PDGFD: variants seen among roughly 807,000 people sequenced by gnomAD.
PDGFD encodes the protein platelet-derived growth factor D.
PDGFD carries 30 observed loss-of-function variants against 44.7 expected under a neutral mutation model. That is an observed-to-expected ratio of 0.67 (90% CI 0.50 to 0.91). The LOEUF (loss-of-function observed/expected upper bound fraction) is 0.91. Among genes scored for constraint, PDGFD ranks in the 40% least tolerant of loss-of-function variants. The pLI, the probability that PDGFD is intolerant of heterozygous loss-of-function variation, is 0.00. For synonymous variants in PDGFD, 173 were observed against 168.4 expected, an observed-to-expected ratio of 1.03 and a Z score of -0.21; for missense variants, 445 against 457.8, an observed-to-expected ratio of 0.97 and a Z score of 0.25.
intron 1 of PDGFD, among the ~76,000 whole-genome samples, chr11:104,022,473 CAT>C (rs1256070716): frequency 6.6e-6 from 1 of 152,036 alleles, no homozygotes; most frequent in African/African-American, 2.4e-5. Context: ...ATTACAGTAA[CAT>C]ATAAAACCTG....
chr11:103,990,092 T>C (rs1167090565), intron 3 of PDGFD, among the ~76,000 whole-genome samples: 1 of 152,204 alleles, frequency 6.6e-6, no homozygotes, highest in Non-Finnish European at 1.5e-5. Flanking sequence ...ACTTGAGAGA[T>C]ATCCTCAGTA....
intron 3 of PDGFD, among the ~76,000 whole-genome samples, chr11:103,948,949 A>AAAAGAAAGAAAG (rs10690865): frequency 2.5e-4 from 36 of 145,846 alleles, no homozygotes; most frequent in African/African-American, 8.8e-4. Context: ...TTAAAGTAAA[A>AAAAGAAAGAAAG]AAAGAAAGAA....
At chr11:103,913,278 G>C (rs1202372289) in intron 6 of PDGFD, among the ~76,000 whole-genome samples, 1 of 152,106 alleles carries the variant, frequency 6.6e-6, no homozygotes, top group Non-Finnish European at 1.5e-5. Flanking sequence ...AAATGCAAAA[G>C]AACAGAAATC....
chr11:103,929,628 G>A (rs1321179228), intron 5 of PDGFD, among the ~76,000 whole-genome samples: 1 of 152,186 alleles, frequency 6.6e-6, no homozygotes, highest in East Asian at 1.9e-4. Context: ...CTGTGACCCA[G>A]TGTGACTGCT....
At chr11:104,038,014 A>G (rs765081044) in intron 1 of PDGFD, 10 of 1,609,160 alleles carry the variant, frequency 6.2e-6, no homozygotes, top group Non-Finnish European at 8.5e-6. Flanking sequence ...AGAGCATTAA[A>G]GCACGTTATA....
chr11:104,101,321 G>A (rs1402629712), intron 1 of PDGFD, among the ~76,000 whole-genome samples: 1 of 152,038 alleles, frequency 6.6e-6, no homozygotes, highest in Non-Finnish European at 1.5e-5. Context: ...GACACACAGA[G>A]AGCCAAATCA....
intron 1 of PDGFD, chr11:104,038,167 C>A: frequency 1.3e-6 from 1 of 750,546 alleles, no homozygotes; most frequent in South Asian, 2.0e-5. Flanking sequence ...TAACGTCAAT[C>A]CTGATTCCTT....
At chr11:103,935,230 C>T (rs772786298) in intron 5 of PDGFD, among the ~76,000 whole-genome samples, 3 of 152,056 alleles carry the variant, frequency 2.0e-5, no homozygotes, top group African/African-American at 2.4e-5. Flanking sequence ...TCCACAAAGA[C>T]GGACAACTGC....
chr11:103,928,023 TTTC>T (rs1453795279), intron 5 of PDGFD, among the ~76,000 whole-genome samples: 17 of 152,222 alleles, frequency 1.1e-4, no homozygotes, highest in African/African-American at 3.9e-4. Context: ...CTCTTTATGT[TTTC>T]TTCTTTGGAC....
intron 1 of PDGFD, among the ~76,000 whole-genome samples, chr11:104,013,632 A>G (rs1859816234): frequency 6.6e-6 from 1 of 152,068 alleles, no homozygotes; most frequent in African/African-American, 2.4e-5. Flanking sequence ...ATGCCTGGAA[A>G]AGTAAAGAAG....
At chr11:103,995,537 C>T (rs752845940) in intron 3 of PDGFD, among the ~76,000 whole-genome samples, 4 of 152,090 alleles carry the variant, frequency 2.6e-5, no homozygotes, top group Non-Finnish European at 5.9e-5. Flanking sequence ...ACTCTTGGGT[C>T]CTCTATTGGA....
At chr11:104,018,519 T>C (rs1280550231) in intron 1 of PDGFD, among the ~76,000 whole-genome samples, 3 of 152,204 alleles carry the variant, frequency 2.0e-5, no homozygotes, top group African/African-American at 7.2e-5. Flanking sequence ...AACCCTGCAG[T>C]CGAACCCATG....
chr11:103,916,404 G>A (rs1565283436), intron 6 of PDGFD, among the ~76,000 whole-genome samples: 2 of 152,210 alleles, frequency 1.3e-5, no homozygotes, highest in Non-Finnish European at 2.9e-5. Context: ...TCTCATGCTA[G>A]TTAGAATGGT....
chr11:103,993,936 A>C (rs1017003663), intron 3 of PDGFD, among the ~76,000 whole-genome samples: 2 of 152,212 alleles, frequency 1.3e-5, no homozygotes, highest in South Asian at 2.1e-4. Flanking sequence ...TCAAAAAAAA[A>C]ACACAAAATT....
chr11:104,050,641 C>T (rs555384187), intron 1 of PDGFD, among the ~76,000 whole-genome samples: 1 of 152,292 alleles, frequency 6.6e-6, no homozygotes, highest in Admixed American at 6.5e-5. Flanking sequence ...CACTCGGAAA[C>T]ACCCAGAAAT....
chr11:104,127,064 G>A (rs371228341), intron 1 of PDGFD, among the ~76,000 whole-genome samples: 2 of 151,956 alleles, frequency 1.3e-5, no homozygotes, highest in African/African-American at 2.4e-5. Flanking sequence ...ACACTAGCTC[G>A]GCTTTTTCCT....
chr11:104,066,321 T>C (rs1363408843), intron 1 of PDGFD, among the ~76,000 whole-genome samples: 2 of 152,212 alleles, frequency 1.3e-5, no homozygotes, highest in Non-Finnish European at 2.9e-5. Flanking sequence ...TGAATTAATT[T>C]GGATGGAATG....
intron 1 of PDGFD, among the ~76,000 whole-genome samples, chr11:104,162,370 C>A (rs1218522092): frequency 2.0e-5 from 3 of 152,012 alleles, no homozygotes; most frequent in Admixed American, 2.0e-4. Flanking sequence ...TAATAACAAA[C>A]CTACAAGATC....
chr11:103,938,414 T>C (rs1227856092), intron 5 of PDGFD, among the ~76,000 whole-genome samples: 2 of 152,254 alleles, frequency 1.3e-5, no homozygotes, highest in Non-Finnish European at 2.9e-5. Flanking sequence ...TGTTTTTTTC[T>C]TGTAAATTTG....
Sources: allele counts gnomAD v4.1 joint callset (sites outside exome capture counted in the v4.1 genomes callset), GRCh38; gene constraint gnomAD v4.1.1; transcripts MANE v1.5; gene names NCBI Gene and HGNC (gene_info 2026-07-23, HGNC 2026-07-21).